SLC44A1: variants seen among roughly 807,000 people sequenced by gnomAD.
SLC44A1 encodes the protein choline transporter-like protein 1.
SLC44A1 carries 26 observed loss-of-function variants against 79.3 expected under a neutral mutation model. The observed-to-expected ratio is 0.33, with a 90% CI of 0.24 to 0.46. SLC44A1 has a LOEUF of 0.46. Among genes scored for constraint, SLC44A1 ranks in the 20% least tolerant of loss-of-function variants. The pLI, the probability that SLC44A1 is intolerant of heterozygous loss-of-function variation, is 1.00. For synonymous variants in SLC44A1, 263 were observed against 286.2 expected (o/e 0.92, Z 0.82); for missense variants, 688 against 798.1 (o/e 0.86, Z 1.66).
chr9:105,298,009 G>A (rs1015049160), intron 1 of SLC44A1, among the ~76,000 whole-genome samples: 1 of 151,944 alleles, frequency 6.6e-6, no homozygotes, highest in South Asian at 2.1e-4. Context: ...TGTGAGACTC[G>A]GGCATTTTTG....
chr9:105,295,632 A>T (rs1830703365), intron 1 of SLC44A1, among the ~76,000 whole-genome samples: 1 of 152,196 alleles, frequency 6.6e-6, no homozygotes, highest in Non-Finnish European at 1.5e-5. Context: ...ATTTAAAATT[A>T]TTGAGTTGGC....
At chr9:105,337,580 C>A (rs1826962217) in intron 4 of SLC44A1, among the ~76,000 whole-genome samples, 1 of 152,150 alleles carries the variant, frequency 6.6e-6, no homozygotes, top group Non-Finnish European at 1.5e-5. Context: ...GAACTTCAAT[C>A]AATGCTAACC....
chr9:105,367,227 C>T (rs1827969585), intron 12 of SLC44A1, among the ~76,000 whole-genome samples: 1 of 152,102 alleles, frequency 6.6e-6, no homozygotes, highest in African/African-American at 2.4e-5. Context: ...AATTGACTTT[C>T]TCACCATTTA....
chr9:105,398,506 AT>A (rs1403125376), downstream of SLC44A1, among the ~76,000 whole-genome samples: 9 of 151,102 alleles, frequency 6.0e-5, no homozygotes, highest in African/African-American at 2.2e-4. Context: ...CCACCTAATG[AT>A]TAAAGAGCCT....
intron 15 of SLC44A1, among the ~76,000 whole-genome samples, chr9:105,403,119 C>A (rs1358031512): frequency 6.6e-6 from 1 of 151,610 alleles, no homozygotes; most frequent in African/African-American, 2.4e-5. Flanking sequence ...CATGCCCAGC[C>A]CGAAAAGATT....
At chr9:105,272,864 C>T (rs1175965235) in intron 1 of SLC44A1, among the ~76,000 whole-genome samples, 2 of 151,924 alleles carry the variant, frequency 1.3e-5, no homozygotes, top group Admixed American at 6.6e-5. Flanking sequence ...TTTCTTGTGA[C>T]ACATGCATGA....
chr9:105,300,021 C>T (rs1830835687), intron 2 of SLC44A1: 1 of 780,410 alleles, frequency 1.3e-6, no homozygotes, highest in South Asian at 5.8e-5. Flanking sequence ...ATTAGAGTCC[C>T]TGCCAGTGTG....
chr9:105,382,816 T>C (rs903548079), intron 13 of SLC44A1, among the ~76,000 whole-genome samples: 8 of 152,166 alleles, frequency 5.3e-5, no homozygotes, highest in African/African-American at 1.9e-4. Context: ...TATGCATACA[T>C]TTATCTTAAA....
At chr9:105,418,258 G>A (rs1406291744) in intron 15 of SLC44A1, among the ~76,000 whole-genome samples, 4 of 144,848 alleles carry the variant, frequency 2.8e-5, no homozygotes, top group African/African-American at 7.8e-5. Context: ...AGGTTGCAGC[G>A]AGCCGAGATT....
rs1222125139 is a variant in SLC44A1 at position 105,383,323 on chromosome 9, C to T, written c.1833C>T (p.Ser611=). 1.2e-6 allele frequency: 2 copies of T among 1,611,594 alleles called. No homozygotes were observed. Among genetic ancestry groups the T allele is most frequent in the East Asian group, 2.2e-5 (1 of 44,850 alleles). The change falls in exon 14 of 16, where the codon AGC becomes AGT. Residue 611 remains serine, a synonymous_variant. Transcript: ENST00000374720. ...TTGATACAAAATACAATGATGGGAG[C>T]CCTGGCAGAGAATTCTATATGGATA... ...FAIDTKYNDG[S]PGREFYMDKV...
intron 3 of SLC44A1, among the ~76,000 whole-genome samples, chr9:105,315,841 G>A (rs1466752327): frequency 6.6e-6 from 1 of 152,114 alleles, no homozygotes; most frequent in Non-Finnish European, 1.5e-5. Context: ...TATGTGACTA[G>A]GACTTCTCTT....
intron 1 of SLC44A1, among the ~76,000 whole-genome samples, chr9:105,296,052 G>C (rs1173261851): frequency 6.6e-6 from 1 of 152,092 alleles, no homozygotes; most frequent in Non-Finnish European, 1.5e-5. Flanking sequence ...CTTTTTAGTG[G>C]GAAGGTCCAC....
intron 15 of SLC44A1, among the ~76,000 whole-genome samples, chr9:105,417,438 T>C (rs1207118075): frequency 6.6e-6 from 1 of 152,100 alleles, no homozygotes; most frequent in African/African-American, 2.4e-5. Flanking sequence ...CATGCATGTC[T>C]TTATGCACTT....
intron 2 of SLC44A1, among the ~76,000 whole-genome samples, chr9:105,306,098 CTT>C (rs1253566774): frequency 2.6e-5 from 4 of 152,290 alleles, no homozygotes; most frequent in South Asian, 4.1e-4. Context: ...TCTTCTCTCT[CTT>C]AAAATAGCAG....
intron 13 of SLC44A1, among the ~76,000 whole-genome samples, chr9:105,374,997 G>T (rs1828231291): frequency 6.6e-6 from 1 of 152,222 alleles, no homozygotes; most frequent in Middle Eastern, 3.4e-3. Flanking sequence ...GAAAGGCTAG[G>T]TCATGTGCCT....
At position 105,392,403 on chromosome 9, in the gene SLC44A1, CTTTTTTTTTTTT is replaced by C. The variant is rs57226567; in HGVS notation, c.*3363_*3374del. 26 of 610,852 alleles carry C rather than the reference CTTTTTTTTTTTT, an allele frequency of 4.3e-5. No individual in the cohort carries two copies. In the East Asian group the frequency reaches 6.6e-4, roughly 16 times the overall value. The allele number at this position is 610,852 out of a possible 1,614,324, so 37.8% of individuals were successfully genotyped here. A position where few individuals can be genotyped will look rare whatever the true frequency, so the allele number is the denominator to read the frequency against. On this transcript the variant is annotated 3_prime_UTR_variant, in exon 16 of 16. Transcript: ENST00000374720. Reference sequence around the variant, plus strand: ...GTAGAGATGCTCTCTCTCTCTCTCTCTTTTTTTTTTTTTTTTTTTTTTTTTTTCCGTGAGGGC... The same window carrying C: ...GTAGAGATGCTCTCTCTCTCTCTCTCTTTTTTTTTTTTTTTCCGTGAGGGC...
intron 13 of SLC44A1, 69 bp downstream of exon 13, chr9:105,374,804 A>G: frequency 7.6e-7 from 1 of 1,314,542 alleles, no homozygotes; most frequent in Non-Finnish European, 1.1e-6. Context: ...CTTTTATTTT[A>G]AAAATATTCA....
chr9:105,342,209 A>T (rs1827114924), intron 4 of SLC44A1, among the ~76,000 whole-genome samples: 1 of 152,200 alleles, frequency 6.6e-6, no homozygotes, highest in South Asian at 2.1e-4. Flanking sequence ...TTAATGGAAA[A>T]TTCCAAAAAT....
At chr9:105,427,658 G>A (rs1829340437) in intron 15 of SLC44A1, among the ~76,000 whole-genome samples, 1 of 152,030 alleles carries the variant, frequency 6.6e-6, no homozygotes, top group Admixed American at 6.6e-5. Flanking sequence ...AGATATCTTT[G>A]CCACCCTGCT....
Sources: gnomAD v4.1 joint callset for allele counts (sites outside exome capture counted in the v4.1 genomes callset) on GRCh38, gnomAD v4.1.1 for gene constraint, MANE v1.5 for transcripts, NCBI Gene and HGNC (gene_info 2026-07-23, HGNC 2026-07-21) for gene names.